The following COBLL1 variants were observed in gnomAD, a reference collection of about 807,000 sequenced individuals.
COBLL1 encodes cordon-bleu protein-like 1.
In COBLL1, 50 loss-of-function variants were observed where a neutral mutation model predicts 94.8. The ratio of observed to expected loss-of-function variants is 0.53; its 90% confidence interval spans 0.42 to 0.67. The LOEUF (loss-of-function observed/expected upper bound fraction) is 0.67. Ranked by LOEUF, COBLL1 falls within the 30% of genes least tolerant of loss-of-function variation. The pLI, the probability that COBLL1 is intolerant of heterozygous loss-of-function variation, is 0.00. For missense variants in COBLL1, 1,362 were observed against 1,348.7 expected (o/e 1.01, Z -0.15); for synonymous variants, 448 against 473.8 (o/e 0.95, Z 0.71).
intron 2 of COBLL1, chr2:164,837,623 A>G (rs1429358408): frequency 2.6e-6 from 1 of 381,980 alleles, no homozygotes; most frequent in African/African-American, 2.1e-5. Context: ...CATACATATG[A>G]AAACATATAT....
intron 2 of COBLL1, among the ~76,000 whole-genome samples, chr2:164,809,038 C>CA (rs1559037340): frequency 6.6e-6 from 1 of 151,998 alleles, no homozygotes; most frequent in Non-Finnish European, 1.5e-5. Context: ...CTGTCATCCT[C>CA]AAAAAAATGT....
At chr2:164,704,833 T>A in intron 8 of COBLL1, 119 bp downstream of exon 8, 1 of 1,070,326 alleles carries the variant, frequency 9.3e-7, no homozygotes, top group Non-Finnish European at 1.3e-6. Context: ...CTAATCAAGA[T>A]GTATTTAAAA....
rs966326877 is a variant in COBLL1, at chr2:164,833,406, T to C, written c.41+7750A>G. ...CTACAAATAGAACTAAGTGTTCAACTTTCTATGAGTTGAGCTTAATAGGCC... is the reference window on the plus strand; with the variant it reads ...CTACAAATAGAACTAAGTGTTCAACCTTCTATGAGTTGAGCTTAATAGGCC... On this transcript the variant is annotated intron_variant, in intron 2 of 13. Coordinates refer to ENST00000652658, the MANE Select transcript of COBLL1 (RefSeq NM_001365672.2). Among the ~76,000 whole-genome samples, 5 of 151,994 alleles carry C rather than the reference T, an allele frequency of 3.3e-5. No individual in the cohort carries two copies. The East Asian group carries it at 5.8e-4, about 18-fold the overall frequency.
chr2:164,755,183 T>A (rs201142269), intron 2 of COBLL1, among the ~76,000 whole-genome samples: 1 of 151,980 alleles, frequency 6.6e-6, no homozygotes, highest in East Asian at 1.9e-4. Flanking sequence ...ATATGAAAAT[T>A]TTTTTAAATG....
chr2:164,814,800 T>C (rs189563250), intron 2 of COBLL1, among the ~76,000 whole-genome samples: 2 of 152,262 alleles, frequency 1.3e-5, no homozygotes, highest in African/African-American at 4.8e-5. Context: ...ACCTCAACTT[T>C]AGAAAAAATG....
downstream of COBLL1, among the ~76,000 whole-genome samples, chr2:164,676,516 A>T (rs546106485): frequency 6.6e-6 from 1 of 152,312 alleles, no homozygotes; most frequent in Admixed American, 6.5e-5. Context: ...ATGGTTAAAT[A>T]TTCTTCATAT....
At chr2:164,755,347 T>A (rs1687345655) in intron 2 of COBLL1, among the ~76,000 whole-genome samples, 1 of 152,108 alleles carries the variant, frequency 6.6e-6, no homozygotes, top group Non-Finnish European at 1.5e-5. Flanking sequence ...CCAGAAAAAT[T>A]TTTTGAGTCA....
At chr2:164,731,187 T>A (rs996627637) in intron 3 of COBLL1, among the ~76,000 whole-genome samples, 1 of 152,230 alleles carries the variant, frequency 6.6e-6, no homozygotes, top group Non-Finnish European at 1.5e-5. Flanking sequence ...TATATAGGCA[T>A]AGCCCACAAA....
chr2:164,840,537 A>C (rs925139507), intron 2 of COBLL1: 4 of 151,464 alleles, frequency 2.6e-5, no homozygotes, highest in Non-Finnish European at 4.4e-5. Flanking sequence ...CTCTCTTCTC[A>C]AACATGTGAG....
chr2:164,774,013 C>A (rs1459185781), intron 2 of COBLL1, among the ~76,000 whole-genome samples: 1 of 152,014 alleles, frequency 6.6e-6, no homozygotes, highest in Non-Finnish European at 1.5e-5. Flanking sequence ...TTGGAGAATC[C>A]AATTTTTTGT....
rs1051821522 is a variant in COBLL1 at position 164,671,529 on chromosome 2, G to A, written n.127-5628C>T. 3.9e-5 allele frequency among the ~76,000 whole-genome samples: 6 copies of A among 152,186 alleles called. 1 individual carries two copies. Among genetic ancestry groups the A allele is most frequent in the African/African-American group, 1.4e-4 (6 of 41,528 alleles). ...AATTATTCTCTCCTCTGAGGTCTCT[G>A]GAAAGGTGATAACCAGTTCCATGAC... On this transcript the variant is annotated intron_variant and non_coding_transcript_variant, in intron 1 of 2. Coordinates refer to the COBLL1 transcript ENST00000495084.
chr2:164,767,829 T>C lies in COBLL1; in HGVS notation c.42-23954A>G, dbSNP rs147779197. 6.6e-4 allele frequency among the ~76,000 whole-genome samples: 100 copies of C among 152,262 alleles called. 1 individual carries two copies. The East Asian group carries it at 0.016, about 24-fold the overall frequency. ...TTCCTGTTTTTACATTGTATGTATA[T>C]AATATTTTTTAAATTACATTATTAA... is the stretch of plus-strand genomic sequence containing the variant. On this transcript the variant is annotated intron_variant, in intron 2 of 13. Coordinates refer to ENST00000652658, the MANE Select transcript of COBLL1 (RefSeq NM_001365672.2).
At chr2:164,665,814 T>C (rs935966463) in intron 2 of COBLL1, 23 of 152,158 alleles carry the variant, frequency 1.5e-4, no homozygotes, top group Non-Finnish European at 3.1e-4. Context: ...CCATAACTAT[T>C]TAACCAAACA....
intron 7 of COBLL1, among the ~76,000 whole-genome samples, chr2:164,708,464 A>G (rs1357618780): frequency 6.6e-6 from 1 of 152,230 alleles, no homozygotes; most frequent in Non-Finnish European, 1.5e-5. Context: ...GTATTTAAAT[A>G]TTGTTTTGAA....
intron 7 of COBLL1, among the ~76,000 whole-genome samples, chr2:164,720,931 T>C (rs748300680): frequency 1.3e-5 from 2 of 152,226 alleles, no homozygotes; most frequent in Non-Finnish European, 2.9e-5. Context: ...TGAGATTTTA[T>C]AAGATGAGAT....
rs945198126 is a variant in COBLL1, at chr2:164,680,994, G to A, written c.*4952C>T. 3 of 152,118 alleles carry A rather than the reference G, an allele frequency of 2.0e-5. No homozygotes were observed. Among genetic ancestry groups the A allele is most frequent in the African/African-American group, 7.2e-5 (3 of 41,428 alleles). 9.4% of individuals were successfully genotyped at this position (152,118 alleles called of 1,614,324 possible). On this transcript the variant is annotated 3_prime_UTR_variant, in exon 14 of 14. Coordinates refer to ENST00000652658, the MANE Select transcript of COBLL1 (RefSeq NM_001365672.2). ...AAAATATTTAGAATTGCTTTTAACT[G>A]GTTGGGAGCTAGACAGAAAGTCTGA...
chr2:164,812,838 A>G (rs1684524222), intron 2 of COBLL1, among the ~76,000 whole-genome samples: 1 of 152,126 alleles, frequency 6.6e-6, no homozygotes, highest in Non-Finnish European at 1.5e-5. Flanking sequence ...AATAAGCATT[A>G]TGCAGTTGCA....
In COBLL1 at chr2:164,728,177, A is replaced by C. The variant is rs1685813678; in HGVS notation, c.453T>G (p.Ile151Met). The C allele has an allele frequency of 1.9e-6, 3 of 1,612,204 alleles. No homozygotes were observed. Among genetic ancestry groups the C allele is most frequent in the Non-Finnish European group, 2.5e-6 (3 of 1,178,434 alleles). The change falls in exon 5 of 14, where the codon ATT becomes ATG. Residue 151 changes from isoleucine (I) to methionine (M), a missense_variant. Ile to Met is a conservative substitution (Grantham distance 10). Transcript: ENST00000652658. ...IIPEKTVRVV[I>M]NFKKTQKTIV... ...TGGTCTTCTGTGTTTTCTTAAAATT[A>C]ATCACTACTCTCACAGTTTTCTGAA...
rs750556258 is a variant in COBLL1, at chr2:164,704,907, A to C, written c.1150+45T>G. 3 of 1,499,586 alleles carry C rather than the reference A, an allele frequency of 2.0e-6. No homozygotes were observed. The Admixed American group carries it at 6.8e-5, about 34-fold the overall frequency. The allele number at this position is 1,499,586 out of a possible 1,614,324, so 92.9% of individuals were successfully genotyped here. ...ATATCTTTCCTACTGTCCATATTAA[A>C]CAAAACACAATACAAATGTAATGTT... On this transcript the variant is annotated intron_variant, in intron 8 of 13. Transcript: ENST00000652658.
Sources: gnomAD v4.1 joint callset for allele counts (sites outside exome capture counted in the v4.1 genomes callset) on GRCh38, gnomAD v4.1.1 for gene constraint, MANE v1.5 for transcripts, NCBI Gene and HGNC (gene_info 2026-07-23, HGNC 2026-07-21) for gene names.